Variants in SNTB1 observed in about 807,000 individuals in gnomAD.
The protein encoded by SNTB1 is beta-1-syntrophin.
Under a neutral mutation model 48.9 loss-of-function variants are expected in SNTB1, and 36 were observed. That is an observed-to-expected ratio of 0.74 (90% CI 0.56 to 0.97). SNTB1 has a LOEUF of 0.97. SNTB1 is among the 50% of genes least tolerant of loss of function. The pLI is 0.00. For synonymous variants in SNTB1, 299 were observed against 294.6 expected (o/e 1.01, Z -0.15); for missense variants, 786 against 703.4 (o/e 1.12, Z -1.33).
chr8:120,566,623 A>C (rs2130675035), intron 4 of SNTB1, among the ~76,000 whole-genome samples: 1 of 152,348 alleles, frequency 6.6e-6, no homozygotes, highest in South Asian at 2.1e-4. Context: ...GCAGCAGCAC[A>C]CAATCTTCTA....
At chr8:120,546,469 C>CT (rs955003815) in intron 5 of SNTB1, among the ~76,000 whole-genome samples, 11 of 151,760 alleles carry the variant, frequency 7.2e-5, no homozygotes, top group Admixed American at 2.0e-4. Context: ...TTTCCATTCT[C>CT]TTTTTTTTGT....
intron 2 of SNTB1, among the ~76,000 whole-genome samples, chr8:120,677,981 T>C (rs1316534749): frequency 1.3e-5 from 2 of 152,146 alleles, no homozygotes; most frequent in African/African-American, 2.4e-5. Context: ...ATTTTCCGAT[T>C]GTCTGAATGT....
At chr8:120,594,204 C>T (rs1435195190) in intron 3 of SNTB1, among the ~76,000 whole-genome samples, 1 of 151,944 alleles carries the variant, frequency 6.6e-6, no homozygotes, top group Non-Finnish European at 1.5e-5. Flanking sequence ...GCTGGCACTA[C>T]AGGGGCATCC....
chr8:120,576,726 T>A (rs557024896), intron 3 of SNTB1, among the ~76,000 whole-genome samples: 1 of 152,342 alleles, frequency 6.6e-6, no homozygotes, highest in South Asian at 2.1e-4. Context: ...CTTGGGCAAG[T>A]CAACTAATTT....
At chr8:120,646,171 C>G (rs370188745) in intron 2 of SNTB1, among the ~76,000 whole-genome samples, 6 of 136,666 alleles carry the variant, frequency 4.4e-5, no homozygotes, top group African/African-American at 1.6e-4. Context: ...TCTCCTGCCT[C>G]ATTGCCCTGG....
intron 1 of SNTB1, among the ~76,000 whole-genome samples, chr8:120,761,675 C>T (rs1457105183): frequency 1.3e-5 from 2 of 152,268 alleles, no homozygotes; most frequent in Admixed American, 1.3e-4. Context: ...AGATCTCTTC[C>T]GCACCTTGAC....
At chr8:120,789,932 A>G (rs1374387121) in intron 1 of SNTB1, among the ~76,000 whole-genome samples, 1 of 152,034 alleles carries the variant, frequency 6.6e-6, no homozygotes, top group Non-Finnish European at 1.5e-5. Context: ...GAATATAACA[A>G]AAAAAGAGAA....
chr8:120,551,665 G>T (rs1586990423), intron 4 of SNTB1, among the ~76,000 whole-genome samples: 1 of 145,706 alleles, frequency 6.9e-6, no homozygotes, highest in East Asian at 2.0e-4. Flanking sequence ...GGCAGAGGTT[G>T]CAGTGAGCCA....
intron 3 of SNTB1, among the ~76,000 whole-genome samples, chr8:120,620,491 C>A (rs1002301480): frequency 2.0e-5 from 3 of 152,120 alleles, no homozygotes; most frequent in East Asian, 1.9e-4. Context: ...TACTTCACTG[C>A]CCTTCCCTGC....
intron 1 of SNTB1, among the ~76,000 whole-genome samples, chr8:120,698,900 G>A (rs925378136): frequency 5.9e-5 from 9 of 152,170 alleles, no homozygotes; most frequent in African/African-American, 1.7e-4. Context: ...AAAATAGTTA[G>A]GATATCATCT....
At chr8:120,556,706 A>G (rs1449532078) in intron 4 of SNTB1, among the ~76,000 whole-genome samples, 1 of 152,254 alleles carries the variant, frequency 6.6e-6, no homozygotes, top group Non-Finnish European at 1.5e-5. Flanking sequence ...CCAGCAGGGC[A>G]ATAGGAGTAG....
At chr8:120,708,226 T>C (rs1818409995) in intron 1 of SNTB1, among the ~76,000 whole-genome samples, 1 of 151,752 alleles carries the variant, frequency 6.6e-6, no homozygotes, top group Non-Finnish European at 1.5e-5. Context: ...AAAACTGACC[T>C]AAGAAAATAG....
intron 2 of SNTB1, among the ~76,000 whole-genome samples, chr8:120,688,325 A>G (rs977573023): frequency 6.6e-6 from 1 of 152,190 alleles, no homozygotes; most frequent in Non-Finnish European, 1.5e-5. Context: ...GAAGAGAACT[A>G]TGCTTTTATT....
At chr8:120,568,616 G>A (rs1236503502) in intron 4 of SNTB1, among the ~76,000 whole-genome samples, 1 of 152,216 alleles carries the variant, frequency 6.6e-6, no homozygotes, top group African/African-American at 2.4e-5. Context: ...TCTGGAGGAA[G>A]GAAGACTAGA....
At chr8:120,569,178 A>G (rs1210489828) in intron 4 of SNTB1, among the ~76,000 whole-genome samples, 1 of 152,094 alleles carries the variant, frequency 6.6e-6, no homozygotes, top group Non-Finnish European at 1.5e-5. Flanking sequence ...ACGGGGTTTC[A>G]CCATGTTGGC....
intron 3 of SNTB1, among the ~76,000 whole-genome samples, chr8:120,614,902 A>G (rs1245974523): frequency 6.9e-6 from 1 of 144,232 alleles, no homozygotes; most frequent in Non-Finnish European, 1.5e-5. Context: ...GCTCTTTGGG[A>G]GGCTGAGGCA....
Position 120,689,889 on chromosome 8 carries a change from G to A in SNTB1, c.788+3803C>T, listed in dbSNP as rs557736877. On this transcript the variant is annotated intron_variant, in intron 2 of 6. Coordinates refer to ENST00000517992, the MANE Select transcript of SNTB1 (RefSeq NM_021021.4). ...TGTGACCTGATCTGTGGTTAATTTT[G>A]TCAGTGTTCTTTGTGGACTTGAAAA... Among the ~76,000 whole-genome samples the A allele has an allele frequency of 4.6e-5, 7 of 152,240 alleles. No individual in the cohort carries two copies. The South Asian group carries it at 6.2e-4, about 14-fold the overall frequency.
chr8:120,644,251 T>C (rs200799059), intron 2 of SNTB1, among the ~76,000 whole-genome samples: 7 of 151,312 alleles, frequency 4.6e-5, no homozygotes, highest in Non-Finnish European at 7.4e-5. Context: ...CATGCTGGTG[T>C]GCTGCACCCA....
intron 3 of SNTB1, among the ~76,000 whole-genome samples, chr8:120,598,775 C>G (rs1163451374): frequency 6.6e-6 from 1 of 152,180 alleles, no homozygotes; most frequent in Non-Finnish European, 1.5e-5. Context: ...TAGGGGAGAG[C>G]CCTTTGCTTT....
Sources: allele counts gnomAD v4.1 joint callset (sites outside exome capture counted in the v4.1 genomes callset), GRCh38; gene constraint gnomAD v4.1.1; transcripts MANE v1.5; gene names NCBI Gene and HGNC (gene_info 2026-07-23, HGNC 2026-07-21).